The following CDH12 variants were observed in gnomAD, a reference collection of about 807,000 sequenced individuals.
The protein encoded by CDH12 is cadherin 12.
Under a neutral mutation model 74.1 loss-of-function variants are expected in CDH12, and 41 were observed. The observed-to-expected ratio is 0.55, with a 90% CI of 0.43 to 0.72. CDH12 has a LOEUF of 0.72. CDH12 is among the 30% of genes least tolerant of loss of function. The pLI is 0.00. For synonymous variants in CDH12, 399 were observed against 355.0 expected, an observed-to-expected ratio of 1.12 and a Z score of -1.39; for missense variants, 945 against 977.2, an observed-to-expected ratio of 0.97 and a Z score of 0.44.
intron 3 of CDH12, among the ~76,000 whole-genome samples, chr5:22,267,790 G>T (rs1328368402): frequency 3.3e-5 from 5 of 152,046 alleles, no homozygotes. Flanking sequence ...AACATTACCA[G>T]ATCCAACTTG....
chr5:22,753,616 G>A (rs1464051069), intron 1 of CDH12, among the ~76,000 whole-genome samples: 7 of 150,144 alleles, frequency 4.7e-5, no homozygotes, highest in Non-Finnish European at 8.9e-5. Context: ...AGGGGAAGAA[G>A]TATGGAAAGA....
At chr5:22,574,690 G>A (rs1739698486) in intron 1 of CDH12, among the ~76,000 whole-genome samples, 1 of 151,906 alleles carries the variant, frequency 6.6e-6, no homozygotes, top group African/African-American at 2.4e-5. Flanking sequence ...TTGCCTTCAG[G>A]AGACTGACTT....
At chr5:21,815,861 T>A (rs1485497431) in intron 9 of CDH12, among the ~76,000 whole-genome samples, 1 of 152,178 alleles carries the variant, frequency 6.6e-6, no homozygotes, top group African/African-American at 2.4e-5. Context: ...TACTTCTCAA[T>A]CTTGTTTTTA....
At chr5:22,306,151 G>T (rs1248863351) in intron 3 of CDH12, among the ~76,000 whole-genome samples, 1 of 151,686 alleles carries the variant, frequency 6.6e-6, no homozygotes, top group Non-Finnish European at 1.5e-5. Flanking sequence ...TCTACTACAA[G>T]AACCCTTCTG....
At chr5:22,265,141 C>G (rs1276550718) in intron 3 of CDH12, among the ~76,000 whole-genome samples, 1 of 152,124 alleles carries the variant, frequency 6.6e-6, no homozygotes, top group Non-Finnish European at 1.5e-5. Flanking sequence ...GTATGAGAAT[C>G]AGTCTTGGAC....
At chr5:21,822,768 C>T (rs1188341850) in intron 8 of CDH12, among the ~76,000 whole-genome samples, 5 of 152,012 alleles carry the variant, frequency 3.3e-5, no homozygotes, top group South Asian at 2.1e-4. Context: ...TGCCCATTCT[C>T]GATTTTAACT....
intron 6 of CDH12, among the ~76,000 whole-genome samples, chr5:21,969,330 A>C (rs570170639): frequency 6.6e-6 from 1 of 152,118 alleles, no homozygotes; most frequent in Admixed American, 6.6e-5. Flanking sequence ...GAGTATAGAC[A>C]GTGGTAGGTA....
chr5:22,042,979 C>A (rs1486661109), intron 5 of CDH12, among the ~76,000 whole-genome samples: 1 of 151,016 alleles, frequency 6.6e-6, no homozygotes, highest in Middle Eastern at 3.4e-3. Flanking sequence ...AAAAGAAAAG[C>A]CTAGGACCTG....
intron 5 of CDH12, among the ~76,000 whole-genome samples, chr5:22,021,748 T>G (rs1329658927): frequency 6.6e-6 from 1 of 152,192 alleles, no homozygotes; most frequent in East Asian, 1.9e-4. Context: ...ATGTATAGAT[T>G]GTGTTGGCTT....
chr5:22,154,923 A>G (rs1168066199), intron 4 of CDH12, among the ~76,000 whole-genome samples: 1 of 152,090 alleles, frequency 6.6e-6, no homozygotes, highest in African/African-American at 2.4e-5. Flanking sequence ...GCCTGACTAC[A>G]AAAAGATTGG....
At chr5:21,988,664 G>A (rs983535002) in intron 5 of CDH12, among the ~76,000 whole-genome samples, 2 of 152,018 alleles carry the variant, frequency 1.3e-5, no homozygotes, top group Admixed American at 6.6e-5. Flanking sequence ...AACAAAAAAA[G>A]CGGTGGGAAA....
At chr5:22,359,492 C>T (rs1464151083) in intron 3 of CDH12, among the ~76,000 whole-genome samples, 1 of 152,152 alleles carries the variant, frequency 6.6e-6, no homozygotes, top group Non-Finnish European at 1.5e-5. Flanking sequence ...GAGACTTCAA[C>T]ACCCCACTGT....
At chr5:22,742,842 C>T (rs2127020479) in intron 1 of CDH12, among the ~76,000 whole-genome samples, 1 of 151,920 alleles carries the variant, frequency 6.6e-6, no homozygotes, top group East Asian at 1.9e-4. Context: ...TATGTGTCAA[C>T]TTGACTGGGC....
chr5:21,802,499 A>C, intron 9 of CDH12, 79 bp from the exon 10 acceptor site: 1 of 1,215,526 alleles, frequency 8.2e-7, no homozygotes, highest in Non-Finnish European at 1.2e-6. Flanking sequence ...CTTCAGAGCA[A>C]TTTGCAAGTT....
At chr5:22,305,537 C>T (rs908986350) in intron 3 of CDH12, among the ~76,000 whole-genome samples, 1 of 152,132 alleles carries the variant, frequency 6.6e-6, no homozygotes, top group Non-Finnish European at 1.5e-5. Context: ...AATGACCCAT[C>T]TTCAGATGGT....
chr5:22,606,065 G>T (rs888278451), intron 1 of CDH12, among the ~76,000 whole-genome samples: 5 of 152,186 alleles, frequency 3.3e-5, no homozygotes, highest in African/African-American at 1.2e-4. Context: ...AGAAGGAAGG[G>T]CACCTCTGTG....
At chr5:22,579,037 C>G (rs181824778) in intron 1 of CDH12, among the ~76,000 whole-genome samples, 1 of 152,112 alleles carries the variant, frequency 6.6e-6, no homozygotes, top group African/African-American at 2.4e-5. Flanking sequence ...CAAAGGCCTA[C>G]GACTTCTATC....
chr5:22,527,862 T>G (rs564166109), intron 1 of CDH12, among the ~76,000 whole-genome samples: 1 of 152,132 alleles, frequency 6.6e-6, no homozygotes, highest in African/African-American at 2.4e-5. Context: ...AAATAGAGCC[T>G]TTTTGAACTC....
chr5:22,345,563 TA>T (rs2150459285), intron 3 of CDH12, among the ~76,000 whole-genome samples: 1 of 152,324 alleles, frequency 6.6e-6, no homozygotes, highest in Admixed American at 6.5e-5. Flanking sequence ...TTTATTAACC[TA>T]TTAGTTTGGT....
Sources: allele counts gnomAD v4.1 joint callset (sites outside exome capture counted in the v4.1 genomes callset), GRCh38; gene constraint gnomAD v4.1.1; transcripts MANE v1.5; gene names NCBI Gene and HGNC (gene_info 2026-07-23, HGNC 2026-07-21).